The following NDRG3 variants were observed in gnomAD, a reference collection of about 807,000 sequenced individuals.
NDRG3 encodes NDRG family member 3.
Under a neutral mutation model 57.2 loss-of-function variants are expected in NDRG3, and 23 were observed. The ratio of observed to expected loss-of-function variants is 0.40; its 90% CI spans 0.29 to 0.57. The LOEUF (loss-of-function observed/expected upper bound fraction) is 0.57. Among genes scored for constraint, NDRG3 ranks in the 20% least tolerant of loss-of-function variants. NDRG3 has a pLI of 0.42. For missense variants in NDRG3, 384 were observed against 457.3 expected (o/e 0.84, Z 1.46); for synonymous variants, 132 against 162.6 (o/e 0.81, Z 1.43).
At chr20:36,709,707 C>T (rs1165951211) in intron 2 of NDRG3, among the ~76,000 whole-genome samples, 1 of 152,180 alleles carries the variant, frequency 6.6e-6, no homozygotes, top group Non-Finnish European at 1.5e-5. Flanking sequence ...AAAGGGTCCT[C>T]TCATGGATTA....
chr20:36,695,219 G>C (rs143693880), intron 3 of NDRG3, among the ~76,000 whole-genome samples: 2 of 151,954 alleles, frequency 1.3e-5, no homozygotes, highest in Non-Finnish European at 2.9e-5. Flanking sequence ...TGTCATCTTC[G>C]TAAGCTGAGG....
chr20:36,671,206 G>A, intron 9 of NDRG3, 135 bp downstream of exon 9: 1 of 694,036 alleles, frequency 1.4e-6, no homozygotes, highest in Non-Finnish European at 2.5e-6. Context: ...AGGGCCACAT[G>A]CCTTTCAGAC....
intron 5 of NDRG3, among the ~76,000 whole-genome samples, chr20:36,685,544 C>CA (rs1981708927): frequency 6.6e-6 from 1 of 152,148 alleles, no homozygotes; most frequent in Non-Finnish European, 1.5e-5. Context: ...TTCCTGGCCT[C>CA]AGGTGATCCT....
At chr20:36,727,573 C>T (rs1032606193) in intron 1 of NDRG3, among the ~76,000 whole-genome samples, 8 of 140,420 alleles carry the variant, frequency 5.7e-5, no homozygotes, top group African/African-American at 8.0e-5. Flanking sequence ...GACGGAGTCT[C>T]GCTCTGTCGC....
intron 12 of NDRG3, among the ~76,000 whole-genome samples, 154 bp from the exon 13 acceptor site, chr20:36,660,538 ATATT>A (rs200399384): frequency 1.3e-3 from 188 of 149,892 alleles, no homozygotes; most frequent in Middle Eastern, 0.01. Context: ...AGTGGGAGAT[ATATT>A]TATTTATTTA....
At chr20:36,712,293 T>A (rs1983931700) in intron 2 of NDRG3, among the ~76,000 whole-genome samples, 1 of 151,758 alleles carries the variant, frequency 6.6e-6, no homozygotes, top group Non-Finnish European at 1.5e-5. Context: ...TTATTTATTC[T>A]CTGTACTCAT....
At chr20:36,743,101 T>C (rs186983173) in intron 1 of NDRG3, among the ~76,000 whole-genome samples, 1 of 152,350 alleles carries the variant, frequency 6.6e-6, no homozygotes, top group East Asian at 1.9e-4. Context: ...ACTATCCTAC[T>C]GCAACATGCA....
chr20:36,719,154 C>T (rs190640023), intron 2 of NDRG3, among the ~76,000 whole-genome samples: 16 of 152,108 alleles, frequency 1.1e-4, no homozygotes, highest in African/African-American at 2.9e-4. Context: ...AGTGGCCGGG[C>T]GTGGAAGTTC....
chr20:36,735,755 G>T (rs183559994), intron 1 of NDRG3, among the ~76,000 whole-genome samples: 1 of 152,218 alleles, frequency 6.6e-6, no homozygotes, highest in African/African-American at 2.4e-5. Flanking sequence ...TTGGGAGGCT[G>T]AGGTGGGAGG....
intron 1 of NDRG3, among the ~76,000 whole-genome samples, chr20:36,744,494 AG>A (rs1298142690): frequency 6.6e-6 from 1 of 152,132 alleles, no homozygotes; most frequent in Non-Finnish European, 1.5e-5. Flanking sequence ...AGAAGTCCGC[AG>A]GGTAAGACTG....
intron 1 of NDRG3, among the ~76,000 whole-genome samples, chr20:36,738,620 T>G (rs1457540627): frequency 7.3e-6 from 1 of 137,486 alleles, no homozygotes; most frequent in Non-Finnish European, 1.6e-5. Context: ...GTGAGGAGTT[T>G]GAGACAAGCC....
At chr20:36,743,148 C>G (rs1403274028) in intron 1 of NDRG3, among the ~76,000 whole-genome samples, 3 of 152,152 alleles carry the variant, frequency 2.0e-5, no homozygotes. Flanking sequence ...TAGCATATAC[C>G]AACTCCACTG....
intron 15 of NDRG3, chr20:36,654,879 C>A (rs1225050868): frequency 1.3e-6 from 1 of 779,380 alleles, no homozygotes; most frequent in Non-Finnish European, 2.4e-6. Context: ...AGGTTAGTGA[C>A]CCCAGAGTGC....
intron 8 of NDRG3, among the ~76,000 whole-genome samples, chr20:36,674,053 G>A (rs1383943050): frequency 6.6e-6 from 1 of 151,904 alleles, no homozygotes; most frequent in Non-Finnish European, 1.5e-5. Context: ...GCAGTGAGCC[G>A]AGATCACGCC....
In NDRG3 at chr20:36,651,814, G is replaced by C. The variant is rs1302950750; in HGVS notation, c.*1706C>G. On this transcript the variant is annotated 3_prime_UTR_variant, in exon 16 of 16. Coordinates refer to ENST00000349004, the MANE Select transcript of NDRG3 (RefSeq NM_032013.4). ...AGCTTTATTTAATAATCTGTAAAAA[G>C]TCATACTCTGGCAGAGTGATGCATT... 6.6e-6 allele frequency: 1 copy of C among 152,186 alleles called. No individual in the cohort carries two copies. Among genetic ancestry groups the C allele is most frequent in the Non-Finnish European group, 1.5e-5 (1 of 68,050 alleles). The allele number at this position is 152,186 out of a possible 1,614,324, so 9.4% of individuals were successfully genotyped here.
chr20:36,741,561 T>C (rs1216423186), intron 1 of NDRG3, among the ~76,000 whole-genome samples: 1 of 152,220 alleles, frequency 6.6e-6, no homozygotes, highest in African/African-American at 2.4e-5. Context: ...AAAAGTAAAT[T>C]CCCCAAGCCT....
At chr20:36,674,163 G>A (rs1202560439) in intron 8 of NDRG3, among the ~76,000 whole-genome samples, 5 of 152,020 alleles carry the variant, frequency 3.3e-5, no homozygotes, top group African/African-American at 1.2e-4. Context: ...CTACATAGGT[G>A]TTACCTTTTT....
chr20:36,739,134 CAAAAAA>C (rs57208101), intron 1 of NDRG3, among the ~76,000 whole-genome samples: 1 of 87,316 alleles, frequency 1.1e-5, no homozygotes, highest in African/African-American at 5.6e-5. Context: ...GACCCCATCT[CAAAAAA>C]AAAAAAAAAA....
At chr20:36,738,027 G>A (rs911638302) in intron 1 of NDRG3, among the ~76,000 whole-genome samples, 16 of 146,404 alleles carry the variant, frequency 1.1e-4, no homozygotes, top group Admixed American at 2.7e-4. Flanking sequence ...TTGTGCCACC[G>A]CACTCCAGCC....
Sources: gnomAD v4.1 joint callset for allele counts (sites outside exome capture counted in the v4.1 genomes callset) on GRCh38, gnomAD v4.1.1 for gene constraint, MANE v1.5 for transcripts, NCBI Gene and HGNC (gene_info 2026-07-23, HGNC 2026-07-21) for gene names.